The following AFDN variants were observed in gnomAD, a reference collection of about 807,000 sequenced individuals.
AFDN encodes afadin, adherens junction formation factor, also known as afadin.
In AFDN, 68 loss-of-function variants were observed where a neutral mutation model predicts 216.6. The ratio of observed to expected loss-of-function variants is 0.31; its 90% CI spans 0.26 to 0.38. The LOEUF is 0.38. Among genes scored for constraint, AFDN ranks in the 10% least tolerant of loss-of-function variants. The probability of loss-of-function intolerance (pLI) is 1.00; values close to 1 mark genes in which losing one functional copy is unlikely to be tolerated. For missense variants in AFDN, 2,136 were observed against 2,342.0 expected, an observed-to-expected ratio of 0.91 and a Z score of 1.82; for synonymous variants, 868 against 853.7, an observed-to-expected ratio of 1.02 and a Z score of -0.29.
Position 167,909,821 on chromosome 6 carries a change from C to T in AFDN, c.1770-1280C>T, listed in dbSNP as rs564986776. 3.3e-5 allele frequency among the ~76,000 whole-genome samples: 5 copies of T among 152,290 alleles called. No homozygotes were observed. The South Asian group carries it at 1.0e-3, about 32-fold the overall frequency. On this transcript the variant is annotated intron_variant, in intron 13 of 33. Coordinates refer to ENST00000683244, the MANE Select transcript of AFDN (RefSeq NM_001386888.1). ...TTGCGGAAGGCAAAACACATGTTCC[C>T]TGGCTCTTACTGTCAATTTAAATTT... is the stretch of plus-strand genomic sequence containing the variant.
intron 10 of AFDN, among the ~76,000 whole-genome samples, chr6:167,897,601 C>T (rs1788422104): frequency 6.8e-6 from 1 of 146,794 alleles, no homozygotes; most frequent in Non-Finnish European, 1.5e-5. Context: ...TAGATTTGTC[C>T]ATTAACCATC....
chr6:167,951,518 A>C lies in AFDN; in HGVS notation c.4164A>C (p.Gly1388=), dbSNP rs1399138278. The change falls in exon 30 of 34, where the codon GGA becomes GGC. Residue 1388 remains glycine, a synonymous_variant. Transcript: ENST00000683244. The surrounding 1 kb of genome is among the most constrained non-coding windows in gnomAD (Gnocchi z 7.1). ...PPVHYAGDFD[G]MSMDLPLPPP... ...TCCACTATGCCGGTGATTTCGATGG[A>C]ATGTCCATGGATTTGCCTCTCCCAC... 3 of 1,613,776 alleles carry C rather than the reference A, an allele frequency of 1.9e-6. No homozygotes were observed. Among genetic ancestry groups the C allele is most frequent in the African/African-American group, 1.3e-5 (1 of 74,880 alleles).
chr6:167,892,817 T>C (rs141864818), intron 8 of AFDN, among the ~76,000 whole-genome samples: 1 of 152,188 alleles, frequency 6.6e-6, no homozygotes, highest in Non-Finnish European at 1.5e-5. Context: ...ATAGAATTTT[T>C]TTTTGTAGGT....
rs531722555 is a variant in AFDN, at chr6:167,902,743, C to T, written c.1650+357C>T. Reference sequence around the variant, plus strand: ...TTATTGTATTGTACTCACCTGTTTTCGGACTGCAGCTTACCACAGGTAGCT... The same window carrying T: ...TTATTGTATTGTACTCACCTGTTTTTGGACTGCAGCTTACCACAGGTAGCT... On this transcript the variant is annotated intron_variant, in intron 12 of 33. Coordinates refer to ENST00000683244, the MANE Select transcript of AFDN (RefSeq NM_001386888.1). 9.2e-5 allele frequency among the ~76,000 whole-genome samples: 14 copies of T among 152,294 alleles called. No individual in the cohort carries two copies. The South Asian group carries it at 2.3e-3, about 25-fold the overall frequency.
intron 26 of AFDN, among the ~76,000 whole-genome samples, chr6:167,945,804 A>C (rs1795193397): frequency 6.6e-6 from 1 of 152,244 alleles, no homozygotes; most frequent in African/African-American, 2.4e-5. Context: ...AAAGAATCTC[A>C]GGATAAAATC....
chr6:167,896,198 C>A lies in AFDN; in HGVS notation c.1223-680C>A, dbSNP rs141991443. Among the ~76,000 whole-genome samples the A allele has an allele frequency of 1.1e-3, 170 of 151,020 alleles. 2 individuals carry two copies. The highest frequency in any genetic ancestry group is 4.1e-3 in the African/African-American group (169 of 41,208). ...CACATGCTCATATAAATTAAACATT[C>A]CAACAGTTCATAAAGGTATAAAATG... is the stretch of plus-strand genomic sequence containing the variant. On this transcript the variant is annotated intron_variant, in intron 9 of 33. Transcript: ENST00000683244.
At chr6:167,857,221 A>G (rs905017406) in intron 1 of AFDN, among the ~76,000 whole-genome samples, 11 of 139,604 alleles carry the variant, frequency 7.9e-5, no homozygotes, top group African/African-American at 2.8e-4. Flanking sequence ...AGCGAGAGAT[A>G]GGATGGGGGT....
intron 6 of AFDN, among the ~76,000 whole-genome samples, chr6:167,883,276 C>G (rs111301271): frequency 6.6e-6 from 1 of 152,082 alleles, no homozygotes; most frequent in Non-Finnish European, 1.5e-5. Context: ...GCAATAAGGA[C>G]ACATTGTTTA....
chr6:167,890,754 TA>T, intron 7 of AFDN, 107 bp from the exon 8 acceptor site: 1 of 1,053,356 alleles, frequency 9.5e-7, no homozygotes, highest in Non-Finnish European at 1.4e-6. Flanking sequence ...CAGATGTTCC[TA>T]AATTACATGC....
rs1256483024 is a variant in AFDN at position 167,826,992 on chromosome 6, C to G, written c.-141C>G. On this transcript the variant is annotated 5_prime_UTR_variant, in exon 1 of 34. Coordinates refer to ENST00000683244, the MANE Select transcript of AFDN (RefSeq NM_001386888.1). Reference sequence around the variant, plus strand: ...GGAGGCCAAGTCGGAGGACGCGGCGCGGCCGCGGAGGCGGAGGCAGCCGCG... The same window carrying G: ...GGAGGCCAAGTCGGAGGACGCGGCGGGGCCGCGGAGGCGGAGGCAGCCGCG... The G allele has an allele frequency of 5.5e-6, 1 of 180,826 alleles. No individual in the cohort carries two copies. Among genetic ancestry groups the G allele is most frequent in the Non-Finnish European group, 1.0e-5 (1 of 96,456 alleles). 11.2% of individuals were successfully genotyped at this position (180,826 alleles called of 1,614,324 possible). A position where few individuals can be genotyped will look rare whatever the true frequency, so the allele number is the denominator to read the frequency against.
At chr6:167,886,175 C>A (rs1786782775) in intron 6 of AFDN, among the ~76,000 whole-genome samples, 1 of 150,390 alleles carries the variant, frequency 6.6e-6, no homozygotes, top group Admixed American at 6.6e-5. Context: ...GAAAGAAATA[C>A]AGCAAAGCTC....
chr6:167,910,602 A>C (rs1790260508), intron 13 of AFDN, among the ~76,000 whole-genome samples: 1 of 152,206 alleles, frequency 6.6e-6, no homozygotes, highest in South Asian at 2.1e-4. Context: ...AAATGATGAT[A>C]GTAATGGCTG....
At chr6:167,901,281 G>A (rs1788908402) in intron 11 of AFDN, among the ~76,000 whole-genome samples, 1 of 152,012 alleles carries the variant, frequency 6.6e-6, no homozygotes, top group African/African-American at 2.4e-5. Context: ...CATCCTTGTT[G>A]GTTTCCAGGT....
At chr6:167,829,588 G>A (rs1177132146) in intron 1 of AFDN, among the ~76,000 whole-genome samples, 1 of 152,014 alleles carries the variant, frequency 6.6e-6, no homozygotes, top group African/African-American at 2.4e-5. Flanking sequence ...TGCAGGAGTT[G>A]ATTTGTAGAA....
chr6:167,887,443 C>CTTTTTTTTTTTTTTTTTTTTTTT (rs1233534960), intron 6 of AFDN, among the ~76,000 whole-genome samples: 1 of 126,092 alleles, frequency 7.9e-6, no homozygotes. Flanking sequence ...CTCAGCTTGC[C>CTTTTTTTTTTTTTTTTTTTTTTT]TTTTTTTTTT....
intron 23 of AFDN, among the ~76,000 whole-genome samples, chr6:167,934,119 C>T (rs916640607): frequency 6.6e-5 from 10 of 152,292 alleles, no homozygotes; most frequent in African/African-American, 2.4e-4. Context: ...CTGCAAATGT[C>T]GCGTGCGGTC....
chr6:167,889,166 A>T, intron 6 of AFDN, 49 bp from the exon 7 acceptor site: 1 of 1,253,854 alleles, frequency 8.0e-7, no homozygotes, highest in South Asian at 1.2e-5. Flanking sequence ...AGTACTTGTT[A>T]ACTTAGTTAC....
At chr6:167,869,645 T>A (rs1315617863) in intron 2 of AFDN, among the ~76,000 whole-genome samples, 3 of 152,174 alleles carry the variant, frequency 2.0e-5, no homozygotes, top group Non-Finnish European at 2.9e-5. Flanking sequence ...CATCCTTCAG[T>A]GCCGCCTTTT....
At chr6:167,892,906 C>T (rs1787785908) in intron 8 of AFDN, among the ~76,000 whole-genome samples, 2 of 152,178 alleles carry the variant, frequency 1.3e-5, no homozygotes, top group Admixed American at 1.3e-4. Context: ...TAATACACTG[C>T]ATCCCTCATG....
Sources: gnomAD v4.1 joint callset for allele counts (sites outside exome capture counted in the v4.1 genomes callset) on GRCh38, gnomAD v4.1.1 for gene constraint, Gnocchi (gnomAD v3.1) non-coding constraint, MANE v1.5 for transcripts, NCBI Gene and HGNC (gene_info 2026-07-23, HGNC 2026-07-21) for gene names.